VCAN: variants seen among roughly 807,000 people sequenced by gnomAD.
VCAN encodes the protein versican, also known as versican core protein.
A neutral mutation model predicts 245.5 loss-of-function variants in VCAN; 44 were observed. That is an observed-to-expected ratio of 0.18 (90% CI 0.14 to 0.23). VCAN has a LOEUF of 0.23. Among genes scored for constraint, VCAN ranks in the 10% least tolerant of loss-of-function variants. VCAN has a pLI of 1.00. For missense variants in VCAN, 3,793 were observed against 4,057.9 expected (o/e 0.93, Z 1.77); for synonymous variants, 1,413 against 1,437.0 (o/e 0.98, Z 0.38).
rs553518468 is a variant in VCAN, at chr5:83,520,291, A to C, written c.1985A>C (p.Lys662Thr). ...EIELFPYSGD[K>T]ILVEGISTVI... The stretch of plus-strand genomic sequence containing the variant: ...GAATTGTTTCCTTATTCTGGTGATA[A>C]AATATTAGTAGAGGGAATTTCCACA... Residue 662 changes from lysine to threonine, a missense_variant, in exon 7 of 15, where the codon AAA (lysine) becomes ACA (threonine). By Grantham distance (78) the Lys-to-Thr change is moderately conservative (BLOSUM62 -1). Coordinates refer to ENST00000265077, the MANE Select transcript of VCAN (RefSeq NM_004385.5). The C allele has an allele frequency of 6.2e-7, 1 of 1,613,994 alleles. No individual in the cohort carries two copies. The highest frequency in any genetic ancestry group is 1.3e-5 in the African/African-American group (1 of 75,056).
chr5:83,519,740 G>A lies in VCAN; in HGVS notation c.1434G>A (p.Val478=), dbSNP rs754757467. Residue 478 remains valine, a synonymous_variant, in exon 7 of 15, where the codon GTG becomes GTA. Transcript: ENST00000265077. ...HYATDSWDGV[V]EDKQTQESVT... ...CTACGGATTCATGGGATGGTGTCGT[G>A]GAAGATAAACAAACACAAGAATCGG... 5.6e-6 allele frequency: 9 copies of A among 1,613,968 alleles called. No individual in the cohort carries two copies. Among genetic ancestry groups the A allele is most frequent in the Middle Eastern group, 1.6e-4 (1 of 6,084 alleles).
rs550972086 is a variant in VCAN, at chr5:83,567,527, C to T, written c.9736-4889C>T. 5.3e-4 allele frequency among the ~76,000 whole-genome samples: 81 copies of T among 152,190 alleles called. 2 individuals are homozygous for T. In the South Asian group the frequency reaches 0.013, roughly 24 times the overall value. The stretch of plus-strand genomic sequence containing the variant: ...ATGTTGGCCAGGCTGGTCTCGAACT[C>T]CTGACCTCGTGATCCACCCGCCTCA... On this transcript the variant is annotated intron_variant, in intron 12 of 14. Coordinates refer to ENST00000265077, the MANE Select transcript of VCAN (RefSeq NM_004385.5).
chr5:83,554,647 TA>T (rs1055165088), intron 11 of VCAN, among the ~76,000 whole-genome samples: 4 of 151,832 alleles, frequency 2.6e-5, no homozygotes, highest in East Asian at 1.9e-4. Flanking sequence ...ATTTCTATCA[TA>T]AAAAAAAGAA....
Position 83,539,148 on chromosome 5 carries a change from G to A in VCAN, c.6145G>A (p.Gly2049Ser). The change falls in exon 8 of 15, where the codon GGT becomes AGT. Residue 2049 changes from glycine (G) to serine (S), a missense_variant. Around this residue, in one of 5 missense-constraint regions of VCAN, gnomAD observed 3,182 missense variants for 3,250.3 expected, o/e 0.98. Transcript: ENST00000265077. ...SIIDEGLGEV[G>S]TVNEIDRRST... is the part of the protein sequence containing the mutation. ...TATCGACGAAGGATTGGGAGAAGTG[G>A]GTACTGTCAATGAAATTGATAGAAG... The A allele has an allele frequency of 6.2e-7, 1 of 1,613,946 alleles. No homozygotes were observed. The highest frequency in any genetic ancestry group is 1.7e-5 in the Admixed American group (1 of 59,942).
chr5:83,493,962 T>C (rs1261619144), intron 5 of VCAN, 31 bp downstream of exon 5: 3 of 1,613,618 alleles, frequency 1.9e-6, no homozygotes, highest in Non-Finnish European at 2.5e-6. Context: ...TATCTTCGTA[T>C]GAACTGAGAA....
At position 83,540,530 on chromosome 5, in the gene VCAN, A is replaced by G; in HGVS notation, c.7527A>G (p.Thr2509=). ...ATCCAACTAGCACACTGTCAAATACAGTGTCATATGAGAGGTCCACAGACG... is the reference window on the plus strand; with the variant it reads ...ATCCAACTAGCACACTGTCAAATACGGTGTCATATGAGAGGTCCACAGACG... The part of the protein sequence containing the change: ...SPDPTSTLSN[T]VSYERSTDGS... The change falls in exon 8 of 15, where the codon ACA becomes ACG. Residue 2509 remains threonine, a synonymous_variant. Coordinates refer to ENST00000265077, the MANE Select transcript of VCAN (RefSeq NM_004385.5). The G allele has an allele frequency of 6.2e-7, 1 of 1,614,010 alleles. No individual in the cohort carries two copies. Among genetic ancestry groups the G allele is most frequent in the African/African-American group, 1.3e-5 (1 of 75,032 alleles).
chr5:83,572,848 T>C (rs750015381), intron 13 of VCAN, among the ~76,000 whole-genome samples: 5 of 149,212 alleles, frequency 3.4e-5, no homozygotes, highest in East Asian at 2.0e-4. Flanking sequence ...CAAAGGCCAA[T>C]AGACCTTTTT....
At chr5:83,482,022 A>G (rs781430326) in intron 1 of VCAN, among the ~76,000 whole-genome samples, 35 of 152,326 alleles carry the variant, frequency 2.3e-4, no homozygotes, top group Non-Finnish European at 4.6e-4. Flanking sequence ...GGATGCTTTC[A>G]ACTGTAAGGA....
Position 83,471,895 on chromosome 5 carries a change from G to A in VCAN, c.-135G>A, listed in dbSNP as rs886060814. The A allele has an allele frequency of 1.8e-5, 7 of 393,854 alleles. No individual in the cohort carries two copies. The East Asian group carries it at 2.2e-4, about 12-fold the overall frequency. 24.4% of individuals were successfully genotyped at this position (393,854 alleles called of 1,614,324 possible). A position where few individuals can be genotyped will look rare whatever the true frequency, so the allele number is the denominator to read the frequency against. On this transcript the variant is annotated 5_prime_UTR_variant, in exon 1 of 15. Coordinates refer to ENST00000265077, the MANE Select transcript of VCAN (RefSeq NM_004385.5). ...GCATCCTCCCGCATCTTCCAGCACC[G>A]TCCCGCACCCTCCGCATCCTTCCCC...
At chr5:83,484,643 T>G (rs1364179132) in intron 2 of VCAN, among the ~76,000 whole-genome samples, 2 of 152,208 alleles carry the variant, frequency 1.3e-5, no homozygotes, top group Non-Finnish European at 2.9e-5. Context: ...GATATTATTC[T>G]GGGTGTCTGG....
intron 12 of VCAN, among the ~76,000 whole-genome samples, chr5:83,558,235 A>C (rs2112477512): frequency 6.6e-6 from 1 of 152,284 alleles, no homozygotes; most frequent in African/African-American, 2.4e-5. Context: ...CCTTTGAATA[A>C]AATCCTTCTG....
At position 83,537,384 on chromosome 5, in the gene VCAN, T is replaced by C. The variant is rs139141519; in HGVS notation, c.4381T>C (p.Leu1461=). The C allele has an allele frequency of 1.2e-6, 2 of 1,613,938 alleles. No homozygotes were observed. Among genetic ancestry groups the C allele is most frequent in the Admixed American group, 1.7e-5 (1 of 59,946 alleles). The change falls in exon 8 of 15, where the codon TTG becomes CTG. Residue 1461 remains leucine, a synonymous_variant. Transcript: ENST00000265077. ...THPFVIAKTE[L]STAVQPNEST... is the part of the protein sequence containing the mutation. The stretch of plus-strand genomic sequence containing the variant: ...TCCATTTGTAATAGCCAAAACGGAA[T>C]TGTCTACTGCTGTGCAACCTAATGA...
rs1487976425 is a variant in VCAN at position 83,504,411 on chromosome 5, GTC to G, written c.749-7686_749-7685del. On this transcript the variant is annotated intron_variant, in intron 5 of 14. Transcript: ENST00000265077. The stretch of plus-strand genomic sequence containing the variant: ...TTTTTTTTTTTTTTTTTGAGACGGA[GTC>G]TCTCTGTTGCCCAGGCTGGAGTTCA... 7.5e-5 allele frequency among the ~76,000 whole-genome samples: 11 copies of G among 146,636 alleles called. No individual in the cohort carries two copies. The South Asian group carries it at 2.2e-3, about 29-fold the overall frequency.
Position 83,539,577 on chromosome 5 carries a change from T to A in VCAN, c.6574T>A (p.Ser2192Thr). 1 of 1,614,100 alleles carries A rather than the reference T, an allele frequency of 6.2e-7. No homozygotes were observed. Among genetic ancestry groups the A allele is most frequent in the Non-Finnish European group, 8.5e-7 (1 of 1,179,994 alleles). Residue 2192 changes from serine to threonine, a missense_variant, in exon 8 of 15, where the codon TCT becomes ACT. By Grantham distance (58) the Ser-to-Thr change is moderately conservative. Transcript: ENST00000265077. ...AGATCCAGATGCAAATGGCTTGGAA[T>A]CTTACACAACTCTCCCTGAAGCTAC... ...TPDPDANGLE[S>T]YTTLPEATEK...
Position 83,520,841 on chromosome 5 carries a change from T to C in VCAN, c.2535T>C (p.Ser845=), listed in dbSNP as rs750431949. The change falls in exon 7 of 15, where the codon AGT becomes AGC. Residue 845 remains serine (S), a synonymous_variant. Transcript: ENST00000265077. ...ATGGAAAGGATAAAGACATCCCAAGTTTCACTGAAGATGGAGCAGATGAAT... is the reference window on the plus strand; with the variant it reads ...ATGGAAAGGATAAAGACATCCCAAGCTTCACTGAAGATGGAGCAGATGAAT... ...GMNGKDKDIP[S]FTEDGADEFT... 1.2e-6 allele frequency: 2 copies of C among 1,614,138 alleles called. No homozygotes were observed. Among genetic ancestry groups the C allele is most frequent in the Non-Finnish European group, 1.7e-6 (2 of 1,180,008 alleles).
chr5:83,513,917 T>C (rs1745754786), intron 6 of VCAN, among the ~76,000 whole-genome samples: 1 of 152,168 alleles, frequency 6.6e-6, no homozygotes, highest in South Asian at 2.1e-4. Context: ...GACTTCCTTA[T>C]TTGATATTTT....
chr5:83,472,661 A>G (rs1174822481), intron 1 of VCAN, among the ~76,000 whole-genome samples: 1 of 152,120 alleles, frequency 6.6e-6, no homozygotes. Context: ...GGGGAGGTGC[A>G]GGATCCCCGC....
At chr5:83,564,932 T>C (rs1027943629) in intron 12 of VCAN, among the ~76,000 whole-genome samples, 1 of 152,152 alleles carries the variant, frequency 6.6e-6, no homozygotes, top group Non-Finnish European at 1.5e-5. Context: ...ATTGGCCATT[T>C]AAGGTAATCT....
rs190600788 is a variant in VCAN, at chr5:83,558,404, C to G, written c.9735+3366C>G. Among the ~76,000 whole-genome samples the G allele has an allele frequency of 1.6e-4, 24 of 152,224 alleles. No homozygotes were observed. The East Asian group carries it at 4.4e-3, about 28-fold the overall frequency. On this transcript the variant is annotated intron_variant, in intron 12 of 14. Coordinates refer to ENST00000265077, the MANE Select transcript of VCAN (RefSeq NM_004385.5). ...GTTTATGTTTTGGAGTGATTTCTCT[C>G]CTCTTCCACACCCTCTCTATCTCCA... is the stretch of plus-strand genomic sequence containing the variant.
Sources: allele counts gnomAD v4.1 joint callset (sites outside exome capture counted in the v4.1 genomes callset), GRCh38; gene constraint gnomAD v4.1.1; regional missense constraint gnomAD v4.1.1; transcripts MANE v1.5; gene names NCBI Gene and HGNC (gene_info 2026-07-23, HGNC 2026-07-21).